Variants in KCND3 observed in about 807,000 individuals in gnomAD.
KCND3 encodes the protein A-type voltage-gated potassium channel KCND3.
A neutral mutation model predicts 51.1 loss-of-function variants in KCND3; 9 were observed. The ratio of observed to expected loss-of-function variants is 0.18; its 90% CI spans 0.11 to 0.31. KCND3 has a LOEUF of 0.31. KCND3 is among the 10% of genes least tolerant of loss of function. The pLI is 1.00. For missense variants in KCND3, 526 were observed against 903.8 expected (o/e 0.58, Z 5.36); for synonymous variants, 349 against 368.0 (o/e 0.95, Z 0.59).
chr1:111,968,355 A>C (rs184747948), intron 2 of KCND3, among the ~76,000 whole-genome samples: 1 of 152,272 alleles, frequency 6.6e-6, no homozygotes, highest in East Asian at 1.9e-4. Flanking sequence ...GGGCCACAGA[A>C]GAAGGGAAAA....
intron 1 of KCND3, among the ~76,000 whole-genome samples, chr1:111,986,260 A>C (rs544005714): frequency 6.6e-6 from 1 of 152,326 alleles, no homozygotes; most frequent in South Asian, 2.1e-4. Flanking sequence ...ATTTATTCCC[A>C]CTAAAATCCT....
chr1:111,970,365 A>C (rs968347639), intron 2 of KCND3, among the ~76,000 whole-genome samples: 23 of 152,234 alleles, frequency 1.5e-4, no homozygotes, highest in Non-Finnish European at 2.6e-4. Context: ...TTCTGTTCAC[A>C]GATACGTCTT....
In KCND3 at chr1:111,780,991, C is replaced by T. The variant is rs907331620; in HGVS notation, c.1270-200G>A. Among the ~76,000 whole-genome samples the T allele has an allele frequency of 1.4e-4, 21 of 152,226 alleles. No individual in the cohort carries two copies. The highest frequency in any genetic ancestry group is 2.2e-4 in the Non-Finnish European group (15 of 68,042). ...GTCAGAATTCCCAGGAGTCTCCACT[C>T]ATCTCTCCAGCCCGGGTATAATCCT... On this transcript the variant is annotated intron_variant, in intron 3 of 7. Coordinates refer to ENST00000302127, the MANE Select transcript of KCND3 (RefSeq NM_001378969.1). The surrounding 1 kb of genome is among the most constrained non-coding windows in gnomAD (Gnocchi z 4.2).
At chr1:111,818,824 A>T (rs1666222985) in intron 2 of KCND3, among the ~76,000 whole-genome samples, 1 of 152,106 alleles carries the variant, frequency 6.6e-6, no homozygotes, top group African/African-American at 2.4e-5. Context: ...GTGCTGTCCC[A>T]GGGGAGATCC....
intron 2 of KCND3, among the ~76,000 whole-genome samples, chr1:111,931,466 C>T (rs993635068): frequency 1.3e-5 from 2 of 152,140 alleles, no homozygotes; most frequent in East Asian, 1.9e-4. Flanking sequence ...GGAAAAGGTC[C>T]CACAGAAAGG....
intron 2 of KCND3, among the ~76,000 whole-genome samples, chr1:111,843,242 C>A (rs1396792235): frequency 6.6e-6 from 1 of 152,206 alleles, no homozygotes; most frequent in African/African-American, 2.4e-5. Context: ...GCAAGGGACA[C>A]AGCCCTGTGC....
chr1:111,898,325 C>A (rs1670216652), intron 2 of KCND3, among the ~76,000 whole-genome samples: 1 of 152,218 alleles, frequency 6.6e-6, no homozygotes, highest in African/African-American at 2.4e-5. Context: ...CTTCTTGAAT[C>A]TGCCCACCAG....
At chr1:111,974,129 T>C (rs548120116) in intron 2 of KCND3, among the ~76,000 whole-genome samples, 98 of 152,212 alleles carry the variant, frequency 6.4e-4, no homozygotes, top group Non-Finnish European at 1.1e-3. Context: ...TTGAGCTAGT[T>C]GGAGGGAGGT....
intron 2 of KCND3, among the ~76,000 whole-genome samples, chr1:111,924,540 T>C (rs940238264): frequency 2.0e-5 from 3 of 152,160 alleles, no homozygotes; most frequent in Admixed American, 6.5e-5. Flanking sequence ...GGTTGTCCAA[T>C]GGAACAGCAG....
At chr1:111,797,258 T>C (rs17722309) in intron 2 of KCND3, among the ~76,000 whole-genome samples, 10,570 of 152,220 alleles carry the variant, frequency 0.069, 446 homozygotes, top group Admixed American at 0.14. Flanking sequence ...TCATAGCATG[T>C]CAGCGGAAAG....
chr1:111,874,856 C>G (rs72692572), intron 2 of KCND3, among the ~76,000 whole-genome samples: 16,418 of 152,170 alleles, frequency 0.11, 938 homozygotes, highest in East Asian at 0.17. Context: ...CTTTGTGGAG[C>G]TGCTAAAAAA....
intron 2 of KCND3, among the ~76,000 whole-genome samples, chr1:111,881,252 C>A (rs17028929): frequency 6.6e-6 from 1 of 152,198 alleles, no homozygotes; most frequent in Non-Finnish European, 1.5e-5. Context: ...GCAAGCAATT[C>A]GGGATTAACT....
chr1:111,881,377 C>A (rs922452065), intron 2 of KCND3, among the ~76,000 whole-genome samples: 1 of 152,164 alleles, frequency 6.6e-6, no homozygotes, highest in Non-Finnish European at 1.5e-5. Flanking sequence ...AGCTTGGCAG[C>A]CAAGTGTGCA....
rs1227689993 is a variant in KCND3, at chr1:111,939,916, C to T, written c.1106+41705G>A. Among the ~76,000 whole-genome samples the T allele has an allele frequency of 3.3e-5, 5 of 152,090 alleles. No homozygotes were observed. The South Asian group carries it at 6.2e-4, about 19-fold the overall frequency. On this transcript the variant is annotated intron_variant, in intron 2 of 7. Transcript: ENST00000302127. ...TGTTGTTTCCTGACTTTTTAATGAT[C>T]GCCATTCTAACTGGCATGAGATGGT...
intron 2 of KCND3, among the ~76,000 whole-genome samples, chr1:111,937,113 C>G (rs993285705): frequency 4.6e-5 from 7 of 152,228 alleles, no homozygotes; most frequent in African/African-American, 1.7e-4. Flanking sequence ...AGGGAGTTGT[C>G]TGGGTAAGTC....
chr1:111,786,221 G>T (rs528640795), intron 3 of KCND3, among the ~76,000 whole-genome samples: 24 of 152,268 alleles, frequency 1.6e-4, no homozygotes, highest in Non-Finnish European at 3.1e-4. Context: ...CTGAGTTGAT[G>T]AGTTGTTCTA....
intron 2 of KCND3, among the ~76,000 whole-genome samples, chr1:111,851,165 C>T (rs1255560329): frequency 6.6e-6 from 1 of 152,218 alleles, no homozygotes; most frequent in East Asian, 1.9e-4. Context: ...TTTATCCACT[C>T]CACATAAGTA....
intron 2 of KCND3, among the ~76,000 whole-genome samples, chr1:111,853,409 T>C (rs1667912440): frequency 6.6e-6 from 1 of 152,190 alleles, no homozygotes; most frequent in African/African-American, 2.4e-5. Flanking sequence ...GCATAGTGAT[T>C]GGGAACCCAG....
intron 2 of KCND3, among the ~76,000 whole-genome samples, chr1:111,977,280 C>T (rs1001712391): frequency 5.9e-5 from 9 of 152,192 alleles, no homozygotes; most frequent in African/African-American, 2.2e-4. Flanking sequence ...ACTTCTGGCA[C>T]TGTGGGGAGG....
Sources: gnomAD v4.1 joint callset for allele counts (sites outside exome capture counted in the v4.1 genomes callset) on GRCh38, gnomAD v4.1.1 for gene constraint, Gnocchi (gnomAD v3.1) non-coding constraint, MANE v1.5 for transcripts, NCBI Gene and HGNC (gene_info 2026-07-23, HGNC 2026-07-21) for gene names.